Variants in PLA1A observed in about 807,000 individuals in gnomAD.
PLA1A encodes the protein phospholipase A1 member A, also known as phosphatidylserine-specific phospholipase A1alpha.
In PLA1A, 47 loss-of-function variants were observed where a neutral mutation model predicts 49.4. That is an observed-to-expected ratio of 0.95 (90% CI 0.75 to 1.21). The LOEUF (loss-of-function observed/expected upper bound fraction) is 1.21, where lower values mean the gene tolerates loss of function less well. Among genes scored for constraint, PLA1A ranks in the 50% most tolerant of loss-of-function variants. The pLI is 0.00. For missense variants in PLA1A, 561 were observed against 563.9 expected, an observed-to-expected ratio of 0.99 and a Z score of 0.05; for synonymous variants, 224 against 207.9, an observed-to-expected ratio of 1.08 and a Z score of -0.67.
intron 1 of PLA1A, among the ~76,000 whole-genome samples, chr3:119,599,226 T>C (rs1435598259): frequency 2.0e-5 from 3 of 152,214 alleles, no homozygotes; most frequent in Non-Finnish European, 4.4e-5. Context: ...ATAGGAATGC[T>C]GTAAGGACTG....
At chr3:119,610,439 C>A (rs2082750128) in intron 4 of PLA1A, among the ~76,000 whole-genome samples, 1 of 152,172 alleles carries the variant, frequency 6.6e-6, no homozygotes, top group African/African-American at 2.4e-5. Flanking sequence ...TACATTCCCA[C>A]CAACAGTGTA....
chr3:119,601,302 G>T (rs1222987016), intron 1 of PLA1A, among the ~76,000 whole-genome samples: 1 of 152,158 alleles, frequency 6.6e-6, no homozygotes, highest in East Asian at 1.9e-4. Context: ...AGATCACAGA[G>T]GCCACCCATG....
intron 1 of PLA1A, among the ~76,000 whole-genome samples, chr3:119,603,793 G>A (rs1242636396): frequency 6.6e-6 from 1 of 152,226 alleles, no homozygotes; most frequent in East Asian, 1.9e-4. Flanking sequence ...AATGAAGCAA[G>A]GCAAAGAAAA....
intron 8 of PLA1A, 70 bp from the exon 9 acceptor site, chr3:119,625,054 G>A (rs1214980340): frequency 2.2e-5 from 20 of 898,240 alleles, no homozygotes; most frequent in Non-Finnish European, 3.5e-5. Flanking sequence ...CCACACTGCT[G>A]CTCTCTGGGG....
At chr3:119,603,284 C>CT (rs2082642198) in intron 1 of PLA1A, among the ~76,000 whole-genome samples, 1 of 152,116 alleles carries the variant, frequency 6.6e-6, no homozygotes, top group African/African-American at 2.4e-5. Flanking sequence ...ATGATGGTGG[C>CT]TTAGGCCAAG....
At chr3:119,617,955 A>G in intron 6 of PLA1A, 64 bp from the exon 7 acceptor site, 1 of 1,304,528 alleles carries the variant, frequency 7.7e-7, no homozygotes, top group East Asian at 2.4e-5. Context: ...ATAGAGTTTC[A>G]CTAAACAGCA....
At chr3:119,626,880 C>T (rs1460640568) in intron 9 of PLA1A, among the ~76,000 whole-genome samples, 5 of 152,152 alleles carry the variant, frequency 3.3e-5, no homozygotes, top group African/African-American at 1.2e-4. Context: ...AAGCCAAGTA[C>T]CTTTCATTAG....
At chr3:119,619,718 T>G in intron 8 of PLA1A, 66 bp downstream of exon 8, 1 of 1,100,264 alleles carries the variant, frequency 9.1e-7, no homozygotes, top group Non-Finnish European at 1.4e-6. Flanking sequence ...CAGCCCAGTG[T>G]GGTAGCCTGG....
At chr3:119,629,350 C>T in intron 10 of PLA1A, 34 bp from the exon 11 acceptor site, 2 of 1,255,442 alleles carry the variant, frequency 1.6e-6, no homozygotes, top group Non-Finnish European at 2.3e-6. Context: ...GTCTCCTCAC[C>T]AGCCACTGCT....
intron 1 of PLA1A, among the ~76,000 whole-genome samples, chr3:119,604,804 G>A (rs149672377): frequency 6.8e-4 from 103 of 152,204 alleles, no homozygotes; most frequent in South Asian, 1.5e-3. Context: ...CTTTGTAATG[G>A]GCTGGTAAAA....
chr3:119,611,478 T>C (rs2082763773), intron 4 of PLA1A, among the ~76,000 whole-genome samples: 1 of 152,162 alleles, frequency 6.6e-6, no homozygotes, highest in South Asian at 2.1e-4. Flanking sequence ...GCAAATACTA[T>C]GCAAAAAGCA....
Position 119,609,499 on chromosome 3 carries a change from T to C in PLA1A, c.485T>C (p.Ile162Thr). The C allele has an allele frequency of 6.2e-7, 1 of 1,612,796 alleles. No homozygotes were observed. The highest frequency in any genetic ancestry group is 1.7e-5 in the Admixed American group (1 of 59,984). Residue 162 changes from isoleucine (I) to threonine (T), a missense_variant, in exon 4 of 11, where the codon ATC becomes ACC. Transcript: ENST00000273371. The stretch of plus-strand genomic sequence containing the variant: ...GGTGTGTCGGAATCCTCAATCCACA[T>C]CATTGGTGTTAGCCTGGGGGCCCAC... ...VLGVSESSIH[I>T]IGVSLGAHVG...
chr3:119,603,499 C>A (rs1224396876), intron 1 of PLA1A, among the ~76,000 whole-genome samples: 1 of 152,138 alleles, frequency 6.6e-6, no homozygotes, highest in Non-Finnish European at 1.5e-5. Flanking sequence ...CAACTATTAC[C>A]TTTATATTTC....
At chr3:119,602,659 T>C (rs2082632789) in intron 1 of PLA1A, among the ~76,000 whole-genome samples, 1 of 152,154 alleles carries the variant, frequency 6.6e-6, no homozygotes. Context: ...AAAATGGATT[T>C]TAAAAATCCC....
chr3:119,610,338 T>A (rs893357563), intron 4 of PLA1A, among the ~76,000 whole-genome samples: 6 of 152,144 alleles, frequency 3.9e-5, no homozygotes, highest in Admixed American at 3.3e-4. Flanking sequence ...TGGGTATATA[T>A]CTAGTAATGG....
chr3:119,626,995 C>G (rs2052548180), intron 9 of PLA1A, among the ~76,000 whole-genome samples: 1 of 152,198 alleles, frequency 6.6e-6, no homozygotes, highest in South Asian at 2.1e-4. Flanking sequence ...ACCCACAACC[C>G]TGACTGCACG....
chr3:119,602,819 G>A (rs1178657420), intron 1 of PLA1A, among the ~76,000 whole-genome samples: 1 of 152,022 alleles, frequency 6.6e-6, no homozygotes, highest in Non-Finnish European at 1.5e-5. Flanking sequence ...ATGAAGTGAG[G>A]AACACAAGCA....
rs1301974915 is a variant in PLA1A at position 119,622,134 on chromosome 3, AGAG to A, written c.1012+2497_1012+2499del. Among the ~76,000 whole-genome samples, 903 of 145,548 alleles carry A rather than the reference AGAG, an allele frequency of 6.2e-3. 12 individuals carry two copies. The highest frequency in any genetic ancestry group is 0.022 in the African/African-American group (835 of 38,272). On this transcript the variant is annotated intron_variant, in intron 8 of 10. Transcript: ENST00000273371. The stretch of plus-strand genomic sequence containing the variant: ...GAGAAGGAGAAGGAGAAGAAGAGGA[AGAG>A]GAGGAGGAGGAGGAAGAAGAAGAAG...
At chr3:119,620,971 G>T (rs941493805) in intron 8 of PLA1A, among the ~76,000 whole-genome samples, 7 of 152,200 alleles carry the variant, frequency 4.6e-5, no homozygotes, top group African/African-American at 1.7e-4. Flanking sequence ...CCACCACCAT[G>T]CTTCCATCTT....
Sources: gnomAD v4.1 joint callset for allele counts (sites outside exome capture counted in the v4.1 genomes callset) on GRCh38, gnomAD v4.1.1 for gene constraint, MANE v1.5 for transcripts, NCBI Gene and HGNC (gene_info 2026-07-23, HGNC 2026-07-21) for gene names.